ITGA8: variants seen among roughly 807,000 people sequenced by gnomAD.
ITGA8 encodes integrin alpha-8.
A neutral mutation model predicts 142.3 loss-of-function variants in ITGA8; 91 were observed. The observed-to-expected ratio is 0.64, with a 90% CI of 0.54 to 0.76. ITGA8 has a LOEUF of 0.76. Among genes scored for constraint, ITGA8 ranks in the 30% least tolerant of loss-of-function variants. ITGA8 has a pLI of 0.00. For synonymous variants in ITGA8, 505 were observed against 485.2 expected (o/e 1.04, Z -0.54); for missense variants, 1,406 against 1,327.7 (o/e 1.06, Z -0.92).
At chr10:15,556,484 C>G (rs894061226) in intron 26 of ITGA8, among the ~76,000 whole-genome samples, 6 of 152,154 alleles carry the variant, frequency 3.9e-5, no homozygotes, top group African/African-American at 1.4e-4. Context: ...GCCCCCCATA[C>G]CAGACCCAGT....
At chr10:15,525,633 G>A (rs1229538011) in intron 28 of ITGA8, among the ~76,000 whole-genome samples, 22 of 72,740 alleles carry the variant, frequency 3.0e-4, no homozygotes, top group African/African-American at 1.0e-3. Context: ...TGACAGGAGC[G>A]AAACTCCATC....
chr10:15,626,303 C>T (rs898087247), intron 13 of ITGA8, among the ~76,000 whole-genome samples: 1 of 152,094 alleles, frequency 6.6e-6, no homozygotes, highest in Admixed American at 6.5e-5. Context: ...CTCACTGCAA[C>T]CTCTCCTCCC....
chr10:15,576,076 A>G (rs1214700564), intron 23 of ITGA8, among the ~76,000 whole-genome samples: 2 of 152,136 alleles, frequency 1.3e-5, no homozygotes, highest in East Asian at 3.9e-4. Flanking sequence ...GTTGTGTTAA[A>G]TGTCCAGTTA....
intron 27 of ITGA8, among the ~76,000 whole-genome samples, chr10:15,537,194 T>C (rs1199182614): frequency 6.6e-6 from 1 of 152,236 alleles, no homozygotes; most frequent in Non-Finnish European, 1.5e-5. Context: ...TTGTAAACTT[T>C]CTAGCCTGGA....
intron 2 of ITGA8, among the ~76,000 whole-genome samples, chr10:15,714,879 C>A (rs532805693): frequency 6.6e-6 from 1 of 152,124 alleles, no homozygotes; most frequent in Admixed American, 6.5e-5. Flanking sequence ...ACCCCAGGGA[C>A]CTGAACAAGT....
At chr10:15,675,597 T>C (rs570693824) in intron 6 of ITGA8, among the ~76,000 whole-genome samples, 13 of 152,248 alleles carry the variant, frequency 8.5e-5, no homozygotes, top group Non-Finnish European at 8.8e-5. Flanking sequence ...ACTTTGCTGA[T>C]ATTTCACCTT....
chr10:15,655,282 T>C (rs1564394250), intron 11 of ITGA8, 72 bp downstream of exon 11: 3 of 1,036,088 alleles, frequency 2.9e-6, no homozygotes, highest in Non-Finnish European at 4.4e-6. Flanking sequence ...GGGTGTATTT[T>C]GTGAAGGAAA....
intron 2 of ITGA8, among the ~76,000 whole-genome samples, chr10:15,701,743 G>A (rs969717668): frequency 1.3e-5 from 2 of 152,196 alleles, no homozygotes; most frequent in African/African-American, 4.8e-5. Flanking sequence ...AGAGAAAACA[G>A]TAGGTTTCCC....
chr10:15,652,607 C>A (rs1475724220), intron 11 of ITGA8, among the ~76,000 whole-genome samples: 1 of 152,176 alleles, frequency 6.6e-6, no homozygotes, highest in African/African-American at 2.4e-5. Flanking sequence ...CAATTACAGT[C>A]CACCTAAGTT....
intron 27 of ITGA8, among the ~76,000 whole-genome samples, chr10:15,545,249 T>C (rs1833646786): frequency 6.6e-6 from 1 of 152,198 alleles, no homozygotes; most frequent in African/African-American, 2.4e-5. Flanking sequence ...TTGGAGTCCA[T>C]CTTGATTCTT....
chr10:15,703,020 G>A (rs1835194040), intron 2 of ITGA8, among the ~76,000 whole-genome samples: 1 of 152,058 alleles, frequency 6.6e-6, no homozygotes, highest in South Asian at 2.1e-4. Flanking sequence ...TTCTTTCCTG[G>A]AAATCATGAA....
intron 13 of ITGA8, among the ~76,000 whole-genome samples, chr10:15,637,792 G>A (rs1247743051): frequency 3.4e-5 from 4 of 117,766 alleles, no homozygotes; most frequent in Admixed American, 1.0e-4. Context: ...CGTGCCCATC[G>A]GCTAACTTTA....
At chr10:15,675,995 TATC>T (rs778254428) in intron 6 of ITGA8, among the ~76,000 whole-genome samples, 3 of 152,136 alleles carry the variant, frequency 2.0e-5, no homozygotes, top group African/African-American at 4.8e-5. Flanking sequence ...ATGGTAAAAA[TATC>T]ATGAAAATTT....
chr10:15,645,242 T>C (rs1833958930), intron 12 of ITGA8, among the ~76,000 whole-genome samples: 1 of 152,162 alleles, frequency 6.6e-6, no homozygotes, highest in Non-Finnish European at 1.5e-5. Context: ...TCCCCTTGTT[T>C]ACTCTCAGTG....
chr10:15,713,292 G>T (rs1285854462), intron 2 of ITGA8, among the ~76,000 whole-genome samples: 1 of 152,216 alleles, frequency 6.6e-6, no homozygotes. Context: ...TCAGGACTTA[G>T]CAGAGGAAGA....
intron 28 of ITGA8, among the ~76,000 whole-genome samples, chr10:15,523,878 GC>G (rs1304337344): frequency 6.6e-6 from 1 of 152,056 alleles, no homozygotes; most frequent in African/African-American, 2.4e-5. Context: ...GTTGCAGTGA[GC>G]CAAGATCGCA....
rs577501466 is a variant in ITGA8, at chr10:15,673,867, T to C, written c.677-1118A>G. ...TCAGAAGTCTTGAAATACGATTGCC[T>C]TGGGGTAGACAAGTATCTAAAAGAC... is the stretch of plus-strand genomic sequence containing the variant. On this transcript the variant is annotated intron_variant, in intron 6 of 29. Transcript: ENST00000378076. Among the ~76,000 whole-genome samples the C allele has an allele frequency of 4.4e-3, 668 of 152,078 alleles. 3 individuals carry two copies. Among genetic ancestry groups the C allele is most frequent in the Non-Finnish European group, 7.2e-3 (492 of 68,022 alleles).
intron 2 of ITGA8, among the ~76,000 whole-genome samples, chr10:15,707,284 A>T (rs1335310365): frequency 3.3e-5 from 5 of 152,216 alleles, no homozygotes; most frequent in African/African-American, 7.2e-5. Flanking sequence ...TGTAATGATA[A>T]GGATACTATC....
chr10:15,621,163 A>G (rs1343435227), intron 13 of ITGA8, among the ~76,000 whole-genome samples: 1 of 142,766 alleles, frequency 7.0e-6, no homozygotes, highest in Non-Finnish European at 1.5e-5. Context: ...TAGACACTTA[A>G]GCTGGCTTTT....
Sources: allele counts gnomAD v4.1 joint callset (sites outside exome capture counted in the v4.1 genomes callset), GRCh38; gene constraint gnomAD v4.1.1; transcripts MANE v1.5; gene names NCBI Gene and HGNC (gene_info 2026-07-23, HGNC 2026-07-21).